The following LARGE1 variants were observed in gnomAD, a reference collection of about 807,000 sequenced individuals.
LARGE1 encodes the protein LARGE xylosyl- and glucuronyltransferase 1, also known as xylosyl- and glucuronyltransferase LARGE1.
LARGE1 carries 43 observed loss-of-function variants against 87.6 expected under a neutral mutation model. The observed-to-expected ratio is 0.49, with a 90% CI of 0.38 to 0.63. LARGE1 has a LOEUF of 0.63. Among genes scored for constraint, LARGE1 ranks in the 30% least tolerant of loss-of-function variants. The pLI, the probability that LARGE1 is intolerant of heterozygous loss-of-function variation, is 0.00. For synonymous variants in LARGE1, 434 were observed against 394.6 expected (o/e 1.10, Z -1.18); for missense variants, 802 against 1,000.2 (o/e 0.80, Z 2.67).
intron 2 of LARGE1, among the ~76,000 whole-genome samples, chr22:33,698,001 C>T (rs938580202): frequency 6.6e-6 from 1 of 152,282 alleles, no homozygotes; most frequent in African/African-American, 2.4e-5. Flanking sequence ...CTCAACTCAC[C>T]GCAGTAAACA....
At chr22:33,765,045 AAGT>A (rs1216146608) in intron 1 of LARGE1, among the ~76,000 whole-genome samples, 1 of 152,206 alleles carries the variant, frequency 6.6e-6, no homozygotes, top group Non-Finnish European at 1.5e-5. Flanking sequence ...AACTAGCAGT[AAGT>A]AGCACTTATA....
chr22:33,886,779 G>C (rs947135311), intron 1 of LARGE1, among the ~76,000 whole-genome samples: 6 of 151,428 alleles, frequency 4.0e-5, no homozygotes, highest in Admixed American at 3.9e-4. Flanking sequence ...TATTTTTATA[G>C]TAAATGTTTA....
intron 1 of LARGE1, among the ~76,000 whole-genome samples, chr22:33,845,628 A>G (rs1037984014): frequency 1.3e-5 from 2 of 152,298 alleles, no homozygotes; most frequent in Middle Eastern, 3.4e-3. Flanking sequence ...CTTATAATGC[A>G]TATCTTTAGG....
chr22:33,623,856 C>G (rs1042316309), intron 4 of LARGE1, among the ~76,000 whole-genome samples: 1 of 151,942 alleles, frequency 6.6e-6, no homozygotes, highest in Non-Finnish European at 1.5e-5. Flanking sequence ...ATGGAGGAAC[C>G]CAGTCTCTAC....
chr22:33,505,239 T>C (rs1435554495), intron 6 of LARGE1, among the ~76,000 whole-genome samples: 4 of 152,240 alleles, frequency 2.6e-5, no homozygotes, highest in Admixed American at 1.3e-4. Flanking sequence ...ATTAGTGGAA[T>C]AGAGCGGCCT....
chr22:33,623,862 T>A (rs935778140), intron 4 of LARGE1, among the ~76,000 whole-genome samples: 4 of 151,924 alleles, frequency 2.6e-5, no homozygotes, highest in Non-Finnish European at 4.4e-5. Context: ...GAACCCAGTC[T>A]CTACTAAAAA....
At chr22:33,081,776 G>A in the LARGE1 span, among the ~76,000 whole-genome samples, 1 of 152,148 alleles carries the variant, frequency 6.6e-6, no homozygotes, top group Admixed American at 6.5e-5. Flanking sequence ...ACTTTGAATA[G>A]CACATAGGGA....
chr22:33,918,895 C>T (rs1601917164), intron 1 of LARGE1, among the ~76,000 whole-genome samples: 1 of 145,656 alleles, frequency 6.9e-6, no homozygotes, highest in East Asian at 2.1e-4. Context: ...TTGAAGGAAG[C>T]AGGAGCCTGA....
intron 1 of LARGE1, among the ~76,000 whole-genome samples, chr22:33,915,303 T>C (rs2065754937): frequency 6.6e-6 from 1 of 152,194 alleles, no homozygotes; most frequent in Non-Finnish European, 1.5e-5. Context: ...CTCTTTCTTT[T>C]CTAACAGCAA....
chr22:33,097,445 C>A, the LARGE1 span, among the ~76,000 whole-genome samples: 2 of 152,096 alleles, frequency 1.3e-5, no homozygotes, highest in African/African-American at 2.4e-5. Context: ...TATAAACAGC[C>A]GTAAGGTGCA....
intron 5 of LARGE1, among the ~76,000 whole-genome samples, chr22:33,603,996 T>C (rs530058074): frequency 2.6e-5 from 4 of 152,246 alleles, no homozygotes; most frequent in Non-Finnish European, 5.9e-5. Flanking sequence ...TCATCCACCT[T>C]TTCTACTGAT....
chr22:33,837,328 TAC>T (rs144524602), intron 1 of LARGE1, among the ~76,000 whole-genome samples: 8,010 of 151,548 alleles, frequency 0.053, 706 homozygotes, highest in African/African-American at 0.18. Flanking sequence ...ACAGGATATA[TAC>T]ACACACACAT....
intron 6 of LARGE1, among the ~76,000 whole-genome samples, chr22:33,550,633 T>C (rs1210301725): frequency 6.6e-6 from 1 of 152,168 alleles, no homozygotes; most frequent in Non-Finnish European, 1.5e-5. Flanking sequence ...GAAAACAGTA[T>C]GGAGAGTTCT....
At chr22:33,604,098 G>C (rs940932851) in intron 5 of LARGE1, among the ~76,000 whole-genome samples, 3 of 152,126 alleles carry the variant, frequency 2.0e-5, no homozygotes, top group Non-Finnish European at 4.4e-5. Context: ...GCCCATGGGG[G>C]TCTGAGTTCA....
At chr22:33,566,909 G>A (rs1253524035) in intron 5 of LARGE1, among the ~76,000 whole-genome samples, 1 of 152,112 alleles carries the variant, frequency 6.6e-6, no homozygotes, top group Non-Finnish European at 1.5e-5. Context: ...TTTGACCCAG[G>A]AAGTCCAGCT....
At chr22:33,069,269 A>G in the LARGE1 span, among the ~76,000 whole-genome samples, 1 of 152,246 alleles carries the variant, frequency 6.6e-6, no homozygotes, top group East Asian at 1.9e-4. Context: ...AGATTCAGGC[A>G]CTCACAGCCA....
At chr22:33,861,380 A>G (rs1009940832) in intron 1 of LARGE1, among the ~76,000 whole-genome samples, 1 of 151,594 alleles carries the variant, frequency 6.6e-6, no homozygotes, top group Non-Finnish European at 1.5e-5. Flanking sequence ...CCCACTCCTC[A>G]CCCACCTACA....
chr22:33,156,970 C>A, the LARGE1 span, among the ~76,000 whole-genome samples: 2 of 152,194 alleles, frequency 1.3e-5, no homozygotes, highest in African/African-American at 4.8e-5. Flanking sequence ...GAGCACCCTT[C>A]TCTTGTCTGC....
At chr22:33,787,328 G>C (rs2085680067) in intron 1 of LARGE1, among the ~76,000 whole-genome samples, 1 of 152,142 alleles carries the variant, frequency 6.6e-6, no homozygotes, top group Admixed American at 6.5e-5. Flanking sequence ...CTGGCAATAA[G>C]TGAGTGCACT....
Sources: allele counts gnomAD v4.1 joint callset (sites outside exome capture counted in the v4.1 genomes callset), GRCh38; gene constraint gnomAD v4.1.1; transcripts MANE v1.5; gene names NCBI Gene and HGNC (gene_info 2026-07-23, HGNC 2026-07-21).